SLC44A5: variants seen among roughly 807,000 people sequenced by gnomAD.
The protein encoded by SLC44A5 is choline transporter-like protein 5.
A neutral mutation model predicts 101.8 loss-of-function variants in SLC44A5; 57 were observed. That is an observed-to-expected ratio of 0.56 (90% CI 0.45 to 0.70). The LOEUF (loss-of-function observed/expected upper bound fraction) is 0.70, where lower values mean the gene tolerates loss of function less well. Among genes scored for constraint, SLC44A5 ranks in the 30% least tolerant of loss-of-function variants. The pLI is 0.00. For missense variants in SLC44A5, 737 were observed against 853.1 expected (o/e 0.86, Z 1.70); for synonymous variants, 281 against 290.9 (o/e 0.97, Z 0.35).
At chr1:75,669,714 G>A in the SLC44A5 span, among the ~76,000 whole-genome samples, 17 of 150,812 alleles carry the variant, frequency 1.1e-4, no homozygotes, top group Non-Finnish European at 2.4e-4. Context: ...ACACATGCAC[G>A]CACAAAAAAA....
chr1:75,717,655 T>TG, the SLC44A5 span, among the ~76,000 whole-genome samples: 2 of 152,282 alleles, frequency 1.3e-5, no homozygotes, highest in South Asian at 4.1e-4. Context: ...TGTATATTGA[T>TG]GGGGGTGAAA....
chr1:75,466,842 G>C (rs923920352), intron 2 of SLC44A5, among the ~76,000 whole-genome samples: 4 of 151,870 alleles, frequency 2.6e-5, no homozygotes, highest in Non-Finnish European at 4.4e-5. Flanking sequence ...TTCCTAGTTA[G>C]AGCAATGAGA....
chr1:75,390,433 A>T (rs375960393), intron 3 of SLC44A5, among the ~76,000 whole-genome samples: 21 of 151,952 alleles, frequency 1.4e-4, no homozygotes, highest in African/African-American at 5.1e-4. Flanking sequence ...AAAATGAGCA[A>T]ATCAAATCCA....
At chr1:75,213,875 T>C in intron 21 of SLC44A5, 44 bp downstream of exon 21, 1 of 1,520,050 alleles carries the variant, frequency 6.6e-7, no homozygotes, top group Non-Finnish European at 9.0e-7. Flanking sequence ...TTTCCAAGCA[T>C]CTTTTAAACT....
At chr1:75,589,600 A>T (rs1047134299) in intron 1 of SLC44A5, among the ~76,000 whole-genome samples, 1 of 152,182 alleles carries the variant, frequency 6.6e-6, no homozygotes, top group African/African-American at 2.4e-5. Context: ...ACCAAGAACC[A>T]AAGTCAGGCG....
chr1:75,203,761 A>G lies in SLC44A5; in HGVS notation c.2120T>C (p.Phe707Ser). 1 of 1,549,706 alleles carries G rather than the reference A, an allele frequency of 6.5e-7. No homozygotes were observed. The highest frequency in any genetic ancestry group is 8.7e-7 in the Non-Finnish European group (1 of 1,146,068). The change falls in exon 24 of 24, where the codon TTC becomes TCC. Residue 707 changes from phenylalanine to serine, a missense_variant. This residue lies in a region of SLC44A5 where 61 missense variants were observed against 56.5 expected (regional missense o/e 1.08). Coordinates refer to ENST00000370859, the MANE Select transcript of SLC44A5 (RefSeq NM_001130058.2). ...YYVSQPLLKI[F>S]QEENPQTRKQ ...CCTAGTTTGTGGATTTTCCTCCTGG[A>G]AAATCTTCAGCAAAGGTTGACTCAC...
chr1:75,622,005 GAC>G, the SLC44A5 span, among the ~76,000 whole-genome samples: 5 of 152,208 alleles, frequency 3.3e-5, no homozygotes, highest in South Asian at 1.0e-3. Context: ...TCTTGTGACT[GAC>G]ACAGATACTT....
At chr1:75,309,547 A>AAAT (rs1655150869) in intron 4 of SLC44A5, among the ~76,000 whole-genome samples, 1 of 152,268 alleles carries the variant, frequency 6.6e-6, no homozygotes, top group South Asian at 2.1e-4. Flanking sequence ...GAAAAGCAGT[A>AAAT]AATACAACAT....
chr1:75,223,317 C>T (rs1647128397), intron 13 of SLC44A5, among the ~76,000 whole-genome samples: 1 of 152,006 alleles, frequency 6.6e-6, no homozygotes, highest in African/African-American at 2.4e-5. Flanking sequence ...CAGCCTGTTC[C>T]CGTTTTCTTT....
chr1:75,699,612 A>AC, the SLC44A5 span, among the ~76,000 whole-genome samples: 14 of 151,660 alleles, frequency 9.2e-5, no homozygotes, highest in African/African-American at 3.4e-4. Context: ...AAAAAAAAAA[A>AC]ACACAGCTAA....
chr1:75,440,711 C>T (rs967089560), intron 2 of SLC44A5, among the ~76,000 whole-genome samples: 17 of 152,094 alleles, frequency 1.1e-4, no homozygotes, highest in Admixed American at 5.2e-4. Flanking sequence ...ATGGTAAACA[C>T]GGTGCCATGT....
At chr1:75,576,122 GGA>G (rs1192412386) in intron 1 of SLC44A5, among the ~76,000 whole-genome samples, 3 of 150,932 alleles carry the variant, frequency 2.0e-5, no homozygotes, top group South Asian at 2.1e-4. Context: ...GCGGGGAGTG[GGA>G]GAGAGAGAGA....
intron 2 of SLC44A5, among the ~76,000 whole-genome samples, chr1:75,422,263 T>G (rs1434544382): frequency 1.3e-5 from 2 of 152,192 alleles, no homozygotes; most frequent in Admixed American, 1.3e-4. Context: ...AGAGATATGA[T>G]TTCTATCAGG....
chr1:75,665,869 G>A, the SLC44A5 span, among the ~76,000 whole-genome samples: 1,042 of 152,194 alleles, frequency 6.8e-3, 8 homozygotes, highest in Non-Finnish European at 0.011. Context: ...ACTAAAAAAT[G>A]CTCAACATCG....
At chr1:75,619,796 T>C in the SLC44A5 span, among the ~76,000 whole-genome samples, 5 of 152,176 alleles carry the variant, frequency 3.3e-5, no homozygotes, top group African/African-American at 1.2e-4. Context: ...TTTATAAAAA[T>C]GATTTGTGTG....
intron 4 of SLC44A5, among the ~76,000 whole-genome samples, chr1:75,317,372 A>G (rs1037175911): frequency 2.0e-5 from 3 of 152,230 alleles, no homozygotes; most frequent in Admixed American, 2.0e-4. Context: ...TGCCAGAGAC[A>G]TAGTGTTCTG....
At chr1:75,370,674 A>C (rs1292538382) in intron 3 of SLC44A5, among the ~76,000 whole-genome samples, 3 of 152,232 alleles carry the variant, frequency 2.0e-5, no homozygotes, top group African/African-American at 7.2e-5. Context: ...TCACAAGTGT[A>C]TGATGTCCTG....
intron 2 of SLC44A5, among the ~76,000 whole-genome samples, chr1:75,496,358 G>A: frequency 6.6e-6 from 1 of 152,050 alleles, no homozygotes; most frequent in Non-Finnish European, 1.5e-5. Context: ...ATGGGGAAAA[G>A]ACAGTCTCTT....
chr1:75,625,818 AC>A, the SLC44A5 span, among the ~76,000 whole-genome samples: 1 of 152,076 alleles, frequency 6.6e-6, no homozygotes, highest in South Asian at 2.1e-4. Context: ...AATGTAAGAA[AC>A]CATAAGCTTC....
Sources: gnomAD v4.1 joint callset for allele counts (sites outside exome capture counted in the v4.1 genomes callset) on GRCh38, gnomAD v4.1.1 for gene constraint, gnomAD v4.1.1 regional missense constraint, MANE v1.5 for transcripts, NCBI Gene and HGNC (gene_info 2026-07-23, HGNC 2026-07-21) for gene names.